PCDHA4: variants seen among roughly 807,000 people sequenced by gnomAD.
PCDHA4 encodes protocadherin alpha-4.
Under a neutral mutation model 61.4 loss-of-function variants are expected in PCDHA4, and 49 were observed. That is an observed-to-expected ratio of 0.80 (90% confidence interval 0.63 to 1.01). The LOEUF (loss-of-function observed/expected upper bound fraction) is 1.01. PCDHA4 is among the 50% of genes least tolerant of loss of function. The probability of loss-of-function intolerance (pLI) is 0.00; values close to 1 mark genes in which losing one functional copy is unlikely to be tolerated. For missense variants in PCDHA4, 1,254 were observed against 1,235.8 expected (o/e 1.01, Z -0.22); for synonymous variants, 590 against 550.3 (o/e 1.07, Z -1.01).
rs782346022 is a variant in PCDHA4 at position 140,877,702 on chromosome 5, G to A, written c.2385+68130G>A. On this transcript the variant is annotated intron_variant, in intron 1 of 3. Coordinates refer to ENST00000530339, the MANE Select transcript of PCDHA4 (RefSeq NM_018907.4). Reference sequence around the variant, plus strand: ...CAAGCCCACGCTGGTGTGCTCCAGCGCCGTGGGGAGTTGGTCTTACTCGCA... The same window carrying A: ...CAAGCCCACGCTGGTGTGCTCCAGCACCGTGGGGAGTTGGTCTTACTCGCA... 52 of 1,613,876 alleles carry A rather than the reference G, an allele frequency of 3.2e-5. No homozygotes were observed. In the Admixed American group the frequency reaches 8.7e-4, roughly 27 times the overall value.
chr5:140,863,737 A>G (rs758176321), intron 1 of PCDHA4: 1 of 251,160 alleles, frequency 4.0e-6, no homozygotes, highest in East Asian at 1.0e-4. Flanking sequence ...GCTCATGCCT[A>G]TTTGTAATCC....
rs1764093032 is a variant in PCDHA4, at chr5:140,808,078, A to G, written c.891A>G (p.Pro297=). 1 of 1,614,080 alleles carries G rather than the reference A, an allele frequency of 6.2e-7. No individual in the cohort carries two copies. The highest frequency in any genetic ancestry group is 8.5e-7 in the Non-Finnish European group (1 of 1,179,930). Reference sequence around the variant, plus strand: ...TGAAATCCAAGTTTCACATAGATCCAATTACTGGACAAATTATTGTAAAGG... The same window carrying G: ...TGAAATCCAAGTTTCACATAGATCCGATTACTGGACAAATTATTGTAAAGG... ...PNVKSKFHID[P]ITGQIIVKGY... Residue 297 remains proline (P), a synonymous_variant, in exon 1 of 4, where the codon CCA becomes CCG. Transcript: ENST00000530339.
chr5:140,824,488 C>A (rs1768136874), intron 1 of PCDHA4: 2 of 355,752 alleles, frequency 5.6e-6, no homozygotes, highest in East Asian at 6.0e-5. Context: ...TTTTAGAGAC[C>A]CTTTGTTGCT....
intron 1 of PCDHA4, chr5:140,966,700 G>T: frequency 7.3e-7 from 1 of 1,365,440 alleles, no homozygotes; most frequent in Non-Finnish European, 9.4e-7. Context: ...GGGCCCGGGC[G>T]TGGGGCACGG....
At chr5:140,844,807 A>G (rs2150373870) in intron 1 of PCDHA4, among the ~76,000 whole-genome samples, 3 of 148,778 alleles carry the variant, frequency 2.0e-5, no homozygotes, top group Non-Finnish European at 3.0e-5. Context: ...TCTTTCTTTT[A>G]TTTCTTCTTG....
At position 140,853,718 on chromosome 5, in the gene PCDHA4, C is replaced by T. The variant is rs1472931739; in HGVS notation, c.2385+44146C>T. ...TGCTAACGCATTAGCATTAGCAGCA[C>T]CTAAGTCCTCATTGAATGTTCTGGT... is the stretch of plus-strand genomic sequence containing the variant. On this transcript the variant is annotated intron_variant, in intron 1 of 3. Transcript: ENST00000530339. 3 of 988,280 alleles carry T rather than the reference C, an allele frequency of 3.0e-6. No homozygotes were observed. The African/African-American group carries it at 5.3e-5, about 17-fold the overall frequency. 61.2% of individuals were successfully genotyped at this position (988,280 alleles called of 1,614,324 possible).
chr5:140,810,909 C>A (rs1764754535), intron 1 of PCDHA4: 1 of 152,040 alleles, frequency 6.6e-6, no homozygotes, highest in Non-Finnish European at 1.5e-5. Flanking sequence ...TCTGTGGTAT[C>A]TTTTATTTCA....
At chr5:140,821,741 T>A in intron 1 of PCDHA4, 3 of 1,554,034 alleles carry the variant, frequency 1.9e-6, no homozygotes, top group Non-Finnish European at 2.6e-6. Context: ...TGTGTGGTGA[T>A]GCAATAGAAA....
chr5:140,993,238 T>A (rs896841031), intron 3 of PCDHA4, among the ~76,000 whole-genome samples: 1 of 152,182 alleles, frequency 6.6e-6, no homozygotes, highest in African/African-American at 2.4e-5. Context: ...TCTCTGAATC[T>A]GGGGATTTAG....
chr5:141,009,019 C>G (rs1160022658), intron 3 of PCDHA4, among the ~76,000 whole-genome samples: 2 of 152,232 alleles, frequency 1.3e-5, no homozygotes, highest in African/African-American at 4.8e-5. Flanking sequence ...CCTTTAGGCT[C>G]TGTATTTCCC....
chr5:140,876,873 C>G (rs781921402), intron 1 of PCDHA4: 1 of 1,614,128 alleles, frequency 6.2e-7, no homozygotes, highest in Non-Finnish European at 8.5e-7. Context: ...TGAAGGAGAA[C>G]AACCCGCCGG....
At chr5:140,887,928 A>G (rs1345223604) in intron 1 of PCDHA4, among the ~76,000 whole-genome samples, 1 of 152,138 alleles carries the variant, frequency 6.6e-6, no homozygotes, top group Non-Finnish European at 1.5e-5. Flanking sequence ...TTCAGAGACC[A>G]TATTTATTTC....
At chr5:140,978,694 G>A (rs1184051557) in intron 1 of PCDHA4, among the ~76,000 whole-genome samples, 1 of 152,258 alleles carries the variant, frequency 6.6e-6, no homozygotes, top group African/African-American at 2.4e-5. Context: ...GCAAGGCAAA[G>A]CCAAAGGTGG....
intron 1 of PCDHA4, chr5:140,829,512 T>C: frequency 6.2e-7 from 1 of 1,613,516 alleles, no homozygotes. Flanking sequence ...GGCTGCCACA[T>C]CTTCACGGTG....
intron 1 of PCDHA4, chr5:140,884,459 G>A (rs530412188): frequency 8.1e-6 from 13 of 1,613,636 alleles, no homozygotes; most frequent in Non-Finnish European, 1.0e-5. Flanking sequence ...CACCGAGGGC[G>A]CGTGCGCGCC....
At chr5:140,858,143 A>G in intron 1 of PCDHA4, 2 of 1,597,218 alleles carry the variant, frequency 1.3e-6, no homozygotes, top group Non-Finnish European at 1.7e-6. Flanking sequence ...CGTGTACCTG[A>G]TCATCGCCAT....
At chr5:140,891,409 C>T (rs1295005747) in intron 1 of PCDHA4, among the ~76,000 whole-genome samples, 1 of 148,202 alleles carries the variant, frequency 6.7e-6, no homozygotes, top group Non-Finnish European at 1.5e-5. Context: ...CGCCACCCCC[C>T]ACTCTTGCCC....
chr5:140,984,428 G>A (rs2097103075), intron 3 of PCDHA4, among the ~76,000 whole-genome samples: 1 of 152,100 alleles, frequency 6.6e-6, no homozygotes, highest in African/African-American at 2.4e-5. Context: ...ATAGAGAAGG[G>A]GATCTCCCTT....
At chr5:140,849,896 C>A in intron 1 of PCDHA4, 1 of 1,598,590 alleles carries the variant, frequency 6.3e-7, no homozygotes, top group Non-Finnish European at 8.6e-7. Flanking sequence ...TGAAGGAGAA[C>A]AACCCGCCGG....
Sources: allele counts gnomAD v4.1 joint callset (sites outside exome capture counted in the v4.1 genomes callset), GRCh38; gene constraint gnomAD v4.1.1; transcripts MANE v1.5; gene names NCBI Gene and HGNC (gene_info 2026-07-23, HGNC 2026-07-21).